The following PDZRN4 variants were observed in gnomAD, a reference collection of about 807,000 sequenced individuals.
PDZRN4 encodes PDZ domain-containing RING finger protein 4.
In PDZRN4, 70 loss-of-function variants were observed where a neutral mutation model predicts 99.0. The ratio of observed to expected loss-of-function variants is 0.71; its 90% CI spans 0.58 to 0.86. The LOEUF is 0.86. Ranked by LOEUF, PDZRN4 falls within the 40% of genes least tolerant of loss-of-function variation. The pLI is 0.00. For synonymous variants in PDZRN4, 551 were observed against 501.6 expected, an observed-to-expected ratio of 1.10 and a Z score of -1.32; for missense variants, 1,474 against 1,331.2, an observed-to-expected ratio of 1.11 and a Z score of -1.67.
chr12:41,486,329 G>T (rs1937772743), intron 3 of PDZRN4, among the ~76,000 whole-genome samples: 1 of 152,162 alleles, frequency 6.6e-6, no homozygotes, highest in African/African-American at 2.4e-5. Context: ...GTGTTATCTT[G>T]TGTATGGAGC....
At chr12:41,551,320 G>A (rs1939050611) in intron 5 of PDZRN4, among the ~76,000 whole-genome samples, 1 of 152,032 alleles carries the variant, frequency 6.6e-6, no homozygotes, top group Non-Finnish European at 1.5e-5. Context: ...ATTACCTTTG[G>A]TAATCACCTA....
At chr12:41,270,260 T>TTGTGTG (rs151300178) in intron 3 of PDZRN4, among the ~76,000 whole-genome samples, 1 of 143,388 alleles carries the variant, frequency 7.0e-6, no homozygotes, top group Admixed American at 7.1e-5. Flanking sequence ...ATCGTAACTA[T>TTGTGTG]TGTGTGTGTG....
At chr12:41,243,720 T>C (rs959159130) in intron 3 of PDZRN4, among the ~76,000 whole-genome samples, 2 of 152,202 alleles carry the variant, frequency 1.3e-5, no homozygotes, top group Non-Finnish European at 2.9e-5. Context: ...GATTCAGTAC[T>C]TTTTCATTTC....
chr12:41,255,101 C>G (rs966974637), intron 3 of PDZRN4, among the ~76,000 whole-genome samples: 1 of 151,962 alleles, frequency 6.6e-6, no homozygotes, highest in Non-Finnish European at 1.5e-5. Context: ...AGTTGGCTCC[C>G]TGGGTGTGGA....
chr12:41,271,392 C>T (rs1426995379), intron 3 of PDZRN4, among the ~76,000 whole-genome samples: 1 of 152,048 alleles, frequency 6.6e-6, no homozygotes, highest in Non-Finnish European at 1.5e-5. Context: ...TTTTAAGCAT[C>T]TATAGCATTG....
chr12:41,551,514 T>C (rs1235816701), intron 5 of PDZRN4, among the ~76,000 whole-genome samples: 1 of 152,126 alleles, frequency 6.6e-6, no homozygotes, highest in Non-Finnish European at 1.5e-5. Context: ...TTTACAAAAA[T>C]CTCTGTGCAT....
chr12:41,330,193 G>A (rs1951733653), intron 3 of PDZRN4, among the ~76,000 whole-genome samples: 2 of 151,042 alleles, frequency 1.3e-5, no homozygotes, highest in Admixed American at 6.6e-5. Flanking sequence ...AAAGTACAAA[G>A]TATTTCTGAT....
intron 5 of PDZRN4, among the ~76,000 whole-genome samples, chr12:41,512,785 G>A (rs927975653): frequency 6.6e-6 from 1 of 152,020 alleles, no homozygotes; most frequent in Non-Finnish European, 1.5e-5. Context: ...ACATAATCTA[G>A]GACAGCATCC....
intron 3 of PDZRN4, among the ~76,000 whole-genome samples, chr12:41,373,206 G>A (rs778189987): frequency 1.2e-4 from 13 of 110,330 alleles, no homozygotes; most frequent in Non-Finnish European, 2.0e-4. Context: ...CCACAGGACC[G>A]GGGTGAAATT....
intron 3 of PDZRN4, among the ~76,000 whole-genome samples, chr12:41,316,898 G>A (rs1918234): frequency 0.83 from 125,836 of 150,916 alleles, 53,574 homozygotes; most frequent in Non-Finnish European, 0.92. Flanking sequence ...CTGTTTTCCT[G>A]TCCATCACAT....
intron 3 of PDZRN4, among the ~76,000 whole-genome samples, chr12:41,212,305 T>C (rs1237793867): frequency 6.6e-6 from 1 of 152,072 alleles, no homozygotes; most frequent in Non-Finnish European, 1.5e-5. Context: ...TTCTGCCTGT[T>C]CTGTTTGATT....
intron 3 of PDZRN4, among the ~76,000 whole-genome samples, chr12:41,379,260 T>G (rs1450924611): frequency 6.6e-6 from 1 of 151,112 alleles, no homozygotes; most frequent in Admixed American, 6.6e-5. Context: ...TGTTTTTTTT[T>G]TTTTTGGTTG....
chr12:41,495,946 C>A (rs1221151040), intron 3 of PDZRN4, among the ~76,000 whole-genome samples: 3 of 152,052 alleles, frequency 2.0e-5, no homozygotes, highest in South Asian at 2.1e-4. Context: ...CATAGTTAGC[C>A]CTTTGTGCTC....
At chr12:41,284,020 C>A (rs1951406085) in intron 3 of PDZRN4, among the ~76,000 whole-genome samples, 1 of 152,060 alleles carries the variant, frequency 6.6e-6, no homozygotes, top group Non-Finnish European at 1.5e-5. Flanking sequence ...GGTAATCAGG[C>A]AAGAGAAAGA....
intron 3 of PDZRN4, among the ~76,000 whole-genome samples, chr12:41,234,719 A>G (rs1431115): frequency 0.67 from 101,568 of 151,962 alleles, 34,083 homozygotes; most frequent in South Asian, 0.73. Flanking sequence ...GCTCTTCAGT[A>G]GTTATATAAA....
At chr12:41,448,602 G>T (rs1952749243) in intron 3 of PDZRN4, among the ~76,000 whole-genome samples, 1 of 152,184 alleles carries the variant, frequency 6.6e-6, no homozygotes, top group African/African-American at 2.4e-5. Flanking sequence ...AAGAATAGGA[G>T]TGGGGACATA....
intron 5 of PDZRN4, among the ~76,000 whole-genome samples, chr12:41,517,402 T>A (rs1051597560): frequency 2.6e-5 from 4 of 152,136 alleles, no homozygotes; most frequent in Admixed American, 2.0e-4. Flanking sequence ...AAAGGTTGTG[T>A]TTAAGGTGCA....
chr12:41,199,710 G>A (rs1950802047), intron 3 of PDZRN4, among the ~76,000 whole-genome samples: 1 of 152,092 alleles, frequency 6.6e-6, no homozygotes. Context: ...TGTGTGTTTT[G>A]CGCAACATAG....
chr12:41,563,049 G>A (rs1237878330), intron 7 of PDZRN4, among the ~76,000 whole-genome samples: 2 of 152,170 alleles, frequency 1.3e-5, no homozygotes, highest in African/African-American at 2.4e-5. Context: ...AGACCCACAC[G>A]CAAATATGAA....
Sources: allele counts gnomAD v4.1 joint callset (sites outside exome capture counted in the v4.1 genomes callset), GRCh38; gene constraint gnomAD v4.1.1; transcripts MANE v1.5; gene names NCBI Gene and HGNC (gene_info 2026-07-23, HGNC 2026-07-21).